GFOD2: variants seen among roughly 807,000 people sequenced by gnomAD.
The protein encoded by GFOD2 is glucose-fructose oxidoreductase domain-containing protein 2.
GFOD2 carries 9 observed loss-of-function variants against 24.6 expected under a neutral mutation model. The ratio of observed to expected loss-of-function variants is 0.37; its 90% CI spans 0.22 to 0.64. GFOD2 has a LOEUF of 0.64. Among genes scored for constraint, GFOD2 ranks in the 30% least tolerant of loss-of-function variants. The pLI is 0.65. For missense variants in GFOD2, 476 were observed against 532.5 expected (o/e 0.89, Z 1.04); for synonymous variants, 211 against 224.8 (o/e 0.94, Z 0.55).
chr16:67,684,740 T>C, intron 2 of GFOD2: 2 of 980,462 alleles, frequency 2.0e-6, no homozygotes, highest in South Asian at 9.4e-5. Flanking sequence ...CTGGTTTGTT[T>C]ACTTAGTAAA....
At chr16:67,716,347 G>T (rs1202333782) in intron 1 of GFOD2, among the ~76,000 whole-genome samples, 3 of 151,570 alleles carry the variant, frequency 2.0e-5, no homozygotes, top group Non-Finnish European at 3.0e-5. Flanking sequence ...TGGCATAGAA[G>T]TTAAGTAATT....
At chr16:67,711,054 C>A (rs1003333931) in intron 1 of GFOD2, among the ~76,000 whole-genome samples, 1 of 152,156 alleles carries the variant, frequency 6.6e-6, no homozygotes, top group Non-Finnish European at 1.5e-5. Context: ...AGTAACCAGA[C>A]CCAAAAGCAT....
intron 1 of GFOD2, among the ~76,000 whole-genome samples, chr16:67,715,918 G>A (rs2053503071): frequency 6.6e-6 from 1 of 152,164 alleles, no homozygotes; most frequent in Non-Finnish European, 1.5e-5. Context: ...TGAGGTGGGA[G>A]GATCACTTGA....
chr16:67,710,745 G>A (rs1484287667), intron 1 of GFOD2, among the ~76,000 whole-genome samples: 1 of 152,056 alleles, frequency 6.6e-6, no homozygotes, highest in Non-Finnish European at 1.5e-5. Flanking sequence ...ACACTCTGAG[G>A]CTCAATTACG....
In GFOD2 at chr16:67,705,977, ATTTT is replaced by A. The variant is rs905493100; in HGVS notation, c.-88+13182_-88+13185del. Among the ~76,000 whole-genome samples the A allele has an allele frequency of 2.2e-3, 231 of 103,584 alleles. 1 individual carries two copies. Among genetic ancestry groups the A allele is most frequent in the Non-Finnish European group, 3.8e-3 (192 of 50,712 alleles). The allele number at this position is 103,584 out of a possible 152,430, so 68.0% of individuals were successfully genotyped here. On this transcript the variant is annotated intron_variant, in intron 1 of 2. Coordinates refer to ENST00000268797, the MANE Select transcript of GFOD2 (RefSeq NM_030819.4). ...AGTGCCTGTTATGGTTTTCCCTGTG[ATTTT>A]TTTTTTTTTTTTTTTTTTGGAGACG...
intron 1 of GFOD2, among the ~76,000 whole-genome samples, chr16:67,688,490 G>T (rs927462574): frequency 6.6e-6 from 1 of 152,010 alleles, no homozygotes; most frequent in African/African-American, 2.4e-5. Flanking sequence ...AAAGTCCTTT[G>T]CTTGGGATCA....
chr16:67,685,192 A>G, intron 2 of GFOD2: 3 of 1,408,808 alleles, frequency 2.1e-6, no homozygotes, highest in Non-Finnish European at 2.8e-6. Context: ...GTTGACTGAG[A>G]TGCAACCATC....
intron 1 of GFOD2, among the ~76,000 whole-genome samples, chr16:67,689,731 C>T (rs1055864956): frequency 6.6e-6 from 1 of 152,052 alleles, no homozygotes; most frequent in Non-Finnish European, 1.5e-5. Flanking sequence ...GTGTAACCAT[C>T]ACCACCACCC....
At chr16:67,689,576 C>G (rs1302266318) in intron 1 of GFOD2, among the ~76,000 whole-genome samples, 2 of 151,872 alleles carry the variant, frequency 1.3e-5, no homozygotes, top group Non-Finnish European at 2.9e-5. Context: ...GAGGTGGAGA[C>G]AGGAGAATTG....
intron 1 of GFOD2, among the ~76,000 whole-genome samples, chr16:67,692,614 T>G (rs1477270605): frequency 3.4e-5 from 5 of 147,204 alleles, no homozygotes; most frequent in African/African-American, 1.3e-4. Context: ...CCCACACACA[T>G]GCACAGAAAC....
At chr16:67,684,803 G>A in intron 2 of GFOD2, 1 of 985,282 alleles carries the variant, frequency 1.0e-6, no homozygotes, top group Non-Finnish European at 1.2e-6. Context: ...CAGTTGACTG[G>A]AAATAGAAGA....
intron 2 of GFOD2, chr16:67,683,900 A>T (rs946468301): frequency 1.8e-6 from 2 of 1,133,826 alleles, no homozygotes; most frequent in Non-Finnish European, 2.2e-6. Context: ...TCAGTCAAGT[A>T]AGTATGTGCT....
intron 1 of GFOD2, among the ~76,000 whole-genome samples, chr16:67,687,475 C>A (rs2053276017): frequency 1.3e-5 from 2 of 151,132 alleles, no homozygotes; most frequent in Non-Finnish European, 3.0e-5. Context: ...CCTGTCTCTA[C>A]TAAAAAATAC....
intron 2 of GFOD2, chr16:67,681,138 T>A: frequency 1.0e-6 from 1 of 985,416 alleles, no homozygotes; most frequent in Non-Finnish European, 1.2e-6. Context: ...GCTGAACACA[T>A]ATGGCTGACC....
intron 2 of GFOD2, chr16:67,683,135 A>T: frequency 1.1e-6 from 1 of 890,956 alleles, no homozygotes; most frequent in African/African-American, 1.8e-5. Context: ...TAATTTTTAA[A>T]CTTTTTTGTA....
chr16:67,701,173 T>C (rs746140503), intron 1 of GFOD2, among the ~76,000 whole-genome samples: 2 of 152,110 alleles, frequency 1.3e-5, no homozygotes, highest in African/African-American at 2.4e-5. Flanking sequence ...TGTAAAATAA[T>C]ATAGCCACTT....
intron 1 of GFOD2, among the ~76,000 whole-genome samples, chr16:67,704,934 C>A (rs185357149): frequency 1.6e-3 from 246 of 152,358 alleles, no homozygotes; most frequent in African/African-American, 5.7e-3. Context: ...CTCTGCTCCA[C>A]AATGCCTCAA....
rs777720225 is a variant in GFOD2, at chr16:67,675,972, G to A, written c.341C>T (p.Pro114Leu). The A allele has an allele frequency of 7.4e-6, 12 of 1,614,084 alleles. No homozygotes were observed. The highest frequency in any genetic ancestry group is 1.3e-5 in the African/African-American group (1 of 74,926). ...FRMVTASRYYPQLMSLVGNVL... is the reference protein window; with the variant it reads ...FRMVTASRYYLQLMSLVGNVL... ...GTTCCCTACCAGGCTCATGAGCTGC[G>A]GGTAGTAGCGCGAGGCTGTCACCAT... Residue 114 changes from proline to leucine, a missense_variant, in exon 3 of 3, where the codon CCG (proline) becomes CTG (leucine). Pro to Leu is a moderately conservative substitution (Grantham distance 98, BLOSUM62 -3). Coordinates refer to ENST00000268797, the MANE Select transcript of GFOD2 (RefSeq NM_030819.4).
intron 1 of GFOD2, among the ~76,000 whole-genome samples, chr16:67,710,543 T>C (rs2053466395): frequency 6.6e-6 from 1 of 151,920 alleles, no homozygotes; most frequent in African/African-American, 2.4e-5. Context: ...TTTTGTTTTT[T>C]AGTAGAGACG....
Sources: gnomAD v4.1 joint callset for allele counts (sites outside exome capture counted in the v4.1 genomes callset) on GRCh38, gnomAD v4.1.1 for gene constraint, MANE v1.5 for transcripts, NCBI Gene and HGNC (gene_info 2026-07-23, HGNC 2026-07-21) for gene names.